Variants in AFAP1 observed in about 807,000 individuals in gnomAD.
The protein encoded by AFAP1 is actin filament associated protein 1, also known as actin filament-associated protein 1.
A neutral mutation model predicts 93.9 loss-of-function variants in AFAP1; 75 were observed. That is an observed-to-expected ratio of 0.80 (90% CI 0.66 to 0.97). The LOEUF (loss-of-function observed/expected upper bound fraction) is 0.97, where lower values mean the gene tolerates loss of function less well. Among genes scored for constraint, AFAP1 ranks in the 50% least tolerant of loss-of-function variants. The probability of loss-of-function intolerance (pLI) is 0.00; values close to 1 mark genes in which losing one functional copy is unlikely to be tolerated. For synonymous variants in AFAP1, 517 were observed against 430.7 expected, an observed-to-expected ratio of 1.20 and a Z score of -2.48; for missense variants, 1,201 against 1,050.8, an observed-to-expected ratio of 1.14 and a Z score of -1.98.
At position 7,778,636 on chromosome 4, in the gene AFAP1, G is replaced by A. The variant is rs367783158; in HGVS notation, c.1897+126C>T. ...TATGTGGCTGATGAGGAAGGATGAC[G>A]GTGCCCACCGCTCCATCTCTCCAGC... is the stretch of plus-strand genomic sequence containing the variant. On this transcript the variant is annotated intron_variant, in intron 14 of 17. Transcript: ENST00000420658. The A allele has an allele frequency of 1.2e-4, 102 of 885,914 alleles. No individual in the cohort carries two copies. The East Asian group carries it at 1.5e-3, about 13-fold the overall frequency. 54.9% of individuals were successfully genotyped at this position (885,914 alleles called of 1,614,324 possible).
chr4:7,778,444 G>A (rs1313112301), intron 14 of AFAP1: 6 of 431,736 alleles, frequency 1.4e-5, no homozygotes, highest in African/African-American at 1.0e-4. Flanking sequence ...GACAGGAGCT[G>A]AGGTCTCCTG....
intron 3 of AFAP1, among the ~76,000 whole-genome samples, chr4:7,858,142 C>A (rs1715279286): frequency 6.6e-6 from 1 of 152,124 alleles, no homozygotes; most frequent in Admixed American, 6.5e-5. Context: ...CTTTATTAAC[C>A]TCTACGAGAT....
rs992025810 is a variant in AFAP1, at chr4:7,939,835, C to G, written c.-182G>C. 3.6e-6 allele frequency: 1 copy of G among 279,936 alleles called. No individual in the cohort carries two copies. Among genetic ancestry groups the G allele is most frequent in the African/African-American group, 2.4e-5 (1 of 42,402 alleles). 17.3% of individuals were successfully genotyped at this position (279,936 alleles called of 1,614,324 possible). A position where few individuals can be genotyped will look rare whatever the true frequency, so the allele number is the denominator to read the frequency against. On this transcript the variant is annotated 5_prime_UTR_variant, in exon 1 of 18. Coordinates refer to ENST00000420658, the MANE Select transcript of AFAP1 (RefSeq NM_001134647.2). The surrounding 1 kb of genome is among the most constrained non-coding windows in gnomAD (Gnocchi z 5.6). ...CCGGCTCGGCTCGCGGAGCTGCAGC[C>G]GGCGTGGGGCTGCGGCCGGGACAGA...
rs75284292 is a variant in AFAP1 at position 7,899,269 on chromosome 4, G to T, written c.-2-27189C>A. ...TCCTCACAAACTTTTACAGTTATAC[G>T]CATTTGCTTCCCCCAGGACCCCCGT... On this transcript the variant is annotated intron_variant, in intron 1 of 17. Transcript: ENST00000420658. Among the ~76,000 whole-genome samples, 175 of 152,064 alleles carry T rather than the reference G, an allele frequency of 1.2e-3. 2 individuals carry two copies. In the East Asian group the frequency reaches 0.023, roughly 20 times the overall value.
At position 7,773,027 on chromosome 4, in the gene AFAP1, C is replaced by A. The variant is rs188876604; in HGVS notation, c.2063-17G>T. The A allele has an allele frequency of 6.2e-7, 1 of 1,603,044 alleles. No individual in the cohort carries two copies. Among genetic ancestry groups the A allele is most frequent in the Non-Finnish European group, 8.5e-7 (1 of 1,178,826 alleles). On this transcript the variant is annotated splice_polypyrimidine_tract_variant and intron_variant, in intron 15 of 17. Coordinates refer to ENST00000420658, the MANE Select transcript of AFAP1 (RefSeq NM_001134647.2). ...GCTTCCTGCCTGGAATTCCCAGAAA[C>A]GCCGTTACTCCCGCGGCAGGCACAG...
rs747270678 is a variant in AFAP1 at position 7,793,749 on chromosome 4, A to G, written c.1344T>C (p.Ala448=). ...CCACATCAATGTAGTCATAGTGCAG[A>G]GCCTCCGGGTCTGTGGACGATCCCG... is the stretch of plus-strand genomic sequence containing the variant. The part of the protein sequence containing the change: ...AETGSSTDPE[A]LHYDYIDVEM... Residue 448 remains alanine, a synonymous_variant, in exon 11 of 18, where the codon GCT becomes GCC. Transcript: ENST00000420658. The G allele has an allele frequency of 6.3e-7, 1 of 1,579,228 alleles. No individual in the cohort carries two copies. The highest frequency in any genetic ancestry group is 8.7e-7 in the Non-Finnish European group (1 of 1,152,910).
chr4:7,772,770 G>C lies in AFAP1; in HGVS notation c.2253+50C>G, dbSNP rs200336402. The C allele has an allele frequency of 8.3e-5, 130 of 1,569,482 alleles. No homozygotes were observed. In the African/African-American group the frequency reaches 1.3e-3, roughly 16 times the overall value. On this transcript the variant is annotated intron_variant, in intron 16 of 17. Coordinates refer to ENST00000420658, the MANE Select transcript of AFAP1 (RefSeq NM_001134647.2). ...ATTCTCTCTGGGTGCACTGGCCCTC[G>C]GCCACGCAAGGCCGCGCCAGCCTCC...
At chr4:7,916,376 C>T (rs191963278) in intron 1 of AFAP1, among the ~76,000 whole-genome samples, 23 of 152,198 alleles carry the variant, frequency 1.5e-4, no homozygotes, top group African/African-American at 5.1e-4. Context: ...TCTGGGACAC[C>T]GTCTTTATTT....
At chr4:7,846,457 G>A (rs1320893668) in intron 4 of AFAP1, among the ~76,000 whole-genome samples, 1 of 152,194 alleles carries the variant, frequency 6.6e-6, no homozygotes, top group Non-Finnish European at 1.5e-5. Flanking sequence ...GAGGGGTTCT[G>A]GAGGGGCCAT....
At chr4:7,834,980 C>T (rs1297786729) in intron 6 of AFAP1, among the ~76,000 whole-genome samples, 5 of 139,922 alleles carry the variant, frequency 3.6e-5, no homozygotes, top group South Asian at 5.2e-4. Context: ...CTGGGTGGCT[C>T]TTGAATGGAC....
chr4:7,787,199 C>T (rs994799710), intron 11 of AFAP1, among the ~76,000 whole-genome samples: 2 of 152,224 alleles, frequency 1.3e-5, no homozygotes, highest in African/African-American at 4.8e-5. Context: ...GGATGGGGTT[C>T]CCGGAGCTTC....
At chr4:7,819,980 T>C (rs1265178891) in intron 6 of AFAP1, among the ~76,000 whole-genome samples, 1 of 152,152 alleles carries the variant, frequency 6.6e-6, no homozygotes, top group African/African-American at 2.4e-5. Context: ...CAGCACTTGA[T>C]TGTTAAAAGG....
At chr4:7,795,578 C>G (rs556689138) in intron 10 of AFAP1, among the ~76,000 whole-genome samples, 14 of 151,834 alleles carry the variant, frequency 9.2e-5, no homozygotes, top group African/African-American at 3.4e-4. Flanking sequence ...GTGCCCACCA[C>G]CACGCCCGGA....
Position 7,807,692 on chromosome 4 carries a change from T to C in AFAP1, c.1054+1922A>G, listed in dbSNP as rs1213713282. ...CCTCTGCAAGACTCCTTCAACCACATGACGCCTTCACTGCTGTCTGCCCAG... is the reference window on the plus strand; with the variant it reads ...CCTCTGCAAGACTCCTTCAACCACACGACGCCTTCACTGCTGTCTGCCCAG... On this transcript the variant is annotated intron_variant, in intron 9 of 17. Transcript: ENST00000420658. 2.0e-5 allele frequency among the ~76,000 whole-genome samples: 3 copies of C among 152,338 alleles called. 1 individual carries two copies. The highest frequency in any genetic ancestry group is 4.4e-5 in the Non-Finnish European group (3 of 68,010).
At chr4:7,895,694 T>A (rs1313806939) in intron 1 of AFAP1, among the ~76,000 whole-genome samples, 1 of 152,152 alleles carries the variant, frequency 6.6e-6, no homozygotes, top group Non-Finnish European at 1.5e-5. Context: ...AGAAACCTAA[T>A]GAATGACAGA....
In AFAP1 at chr4:7,872,051, G is replaced by C; in HGVS notation, c.28C>G (p.Leu10Val). 1 of 1,614,050 alleles carries C rather than the reference G, an allele frequency of 6.2e-7. No homozygotes were observed. The highest frequency in any genetic ancestry group is 1.6e-4 in the Middle Eastern group (1 of 6,062). Residue 10 changes from leucine (L) to valine (V), a missense_variant, in exon 2 of 18, where the codon CTC becomes GTC. Coordinates refer to ENST00000420658, the MANE Select transcript of AFAP1 (RefSeq NM_001134647.2). ...TCATGGTCCAGGAGTTCAAGAAAGA[G>C]ACGAAGTTCAACTATTAACTCTTCC... MEELIVELRLFLELLDHEYL... is the reference protein window; with the variant it reads MEELIVELRVFLELLDHEYL...
At chr4:7,795,581 C>T (rs1006093527) in intron 10 of AFAP1, among the ~76,000 whole-genome samples, 9 of 151,640 alleles carry the variant, frequency 5.9e-5, no homozygotes, top group East Asian at 1.9e-4. Flanking sequence ...CCCACCACCA[C>T]GCCCGGATAA....
At chr4:7,807,016 G>C (rs577540759) in intron 9 of AFAP1, among the ~76,000 whole-genome samples, 53 of 152,274 alleles carry the variant, frequency 3.5e-4, no homozygotes, top group African/African-American at 1.3e-3. Context: ...AGCACAGTTG[G>C]GTCAGAGGCT....
At chr4:7,763,898 G>GGA in intron 17 of AFAP1, 107 bp from the exon 18 acceptor site, 1 of 1,080,368 alleles carries the variant, frequency 9.3e-7, no homozygotes, top group Non-Finnish European at 1.4e-6. Context: ...CTCGGCTACT[G>GGA]CAGAAAACTC....
Sources: gnomAD v4.1 joint callset for allele counts (sites outside exome capture counted in the v4.1 genomes callset) on GRCh38, gnomAD v4.1.1 for gene constraint, Gnocchi (gnomAD v3.1) non-coding constraint, MANE v1.5 for transcripts, NCBI Gene and HGNC (gene_info 2026-07-23, HGNC 2026-07-21) for gene names.